Variants in RPA3 observed in about 807,000 individuals in gnomAD.
The protein encoded by RPA3 is replication protein A3, also known as replication protein A 14 kDa subunit.
A neutral mutation model predicts 13.7 loss-of-function variants in RPA3; 24 were observed. The ratio of observed to expected loss-of-function variants is 1.75; its 90% confidence interval spans 1.27 to 2.46. RPA3 has a LOEUF of 2.46. RPA3 is among the 30% of genes most tolerant of loss of function. The pLI is 0.00. For missense variants in RPA3, 183 were observed against 151.0 expected (o/e 1.21, Z -1.11); for synonymous variants, 59 against 51.2 (o/e 1.15, Z -0.65).
intron 2 of RPA3, among the ~76,000 whole-genome samples, chr7:7,707,568 T>C (rs921106098): frequency 2.0e-5 from 3 of 152,204 alleles, no homozygotes; most frequent in Non-Finnish European, 4.4e-5. Flanking sequence ...GTGATTTCAC[T>C]ACTTATTAAG....
intron 6 of RPA3, 96 bp from the exon 7 acceptor site, chr7:7,638,068 C>A: frequency 1.3e-6 from 1 of 753,474 alleles, no homozygotes; most frequent in Admixed American, 2.6e-5. Flanking sequence ...TCTATCACTT[C>A]AAGTAACAAA....
intron 4 of RPA3, among the ~76,000 whole-genome samples, chr7:7,668,583 CTT>C (rs796304782): frequency 5.9e-5 from 9 of 152,180 alleles, no homozygotes; most frequent in African/African-American, 2.2e-4. Context: ...TAGAAACTGA[CTT>C]TAAGTGAAAC....
rs371387531 is a variant in RPA3, at chr7:7,642,179, G to T, written c.-757-1004C>A. Among the ~76,000 whole-genome samples, 5 of 152,106 alleles carry T rather than the reference G, an allele frequency of 3.3e-5. No individual in the cohort carries two copies. In the South Asian group the frequency reaches 1.0e-3, roughly 32 times the overall value. ...AGGCAAGATCTCTCTCTGTCACCCA[G>T]ACTGGAGTGCAGTAGCATGCACATA... On this transcript the variant is annotated intron_variant, in intron 4 of 7. Transcript: ENST00000223129.
At chr7:7,643,278 C>T (rs929460134) in intron 4 of RPA3, among the ~76,000 whole-genome samples, 3 of 152,136 alleles carry the variant, frequency 2.0e-5, no homozygotes, top group Non-Finnish European at 2.9e-5. Flanking sequence ...AGGTACACTC[C>T]ACCGGAAAAA....
intron 4 of RPA3, among the ~76,000 whole-genome samples, chr7:7,677,584 T>C (rs1245947934): frequency 2.0e-5 from 3 of 152,110 alleles, no homozygotes; most frequent in Admixed American, 1.3e-4. Context: ...AAGGACAGGA[T>C]TTCATTCTTT....
chr7:7,684,422 T>A (rs1779989103), intron 4 of RPA3, among the ~76,000 whole-genome samples: 1 of 152,100 alleles, frequency 6.6e-6, no homozygotes, highest in South Asian at 2.1e-4. Context: ...TTGGCCAGGC[T>A]GGTCTTGAAC....
At chr7:7,658,639 C>G (rs1017283592) in intron 4 of RPA3, among the ~76,000 whole-genome samples, 3 of 152,112 alleles carry the variant, frequency 2.0e-5, no homozygotes, top group East Asian at 1.9e-4. Flanking sequence ...GTTGAACCAG[C>G]CTTGCATCCC....
chr7:7,680,302 T>C (rs1223502973), intron 4 of RPA3, among the ~76,000 whole-genome samples: 3 of 152,158 alleles, frequency 2.0e-5, no homozygotes, highest in African/African-American at 7.2e-5. Context: ...AGACTTCCTT[T>C]TCCCAATGTA....
chr7:7,715,960 A>G (rs2110554), intron 1 of RPA3, among the ~76,000 whole-genome samples: 7,821 of 152,324 alleles, frequency 0.051, 253 homozygotes, highest in Middle Eastern at 0.12. Context: ...AGTATAAAAC[A>G]TAGTTTGTTG....
At chr7:7,662,057 C>G (rs186888965) in intron 4 of RPA3, among the ~76,000 whole-genome samples, 71 of 152,294 alleles carry the variant, frequency 4.7e-4, no homozygotes, top group African/African-American at 1.5e-3. Flanking sequence ...CTTTGCTGAG[C>G]TGTGGAGGGC....
At chr7:7,709,759 A>G (rs549371612) in intron 2 of RPA3, among the ~76,000 whole-genome samples, 1 of 151,842 alleles carries the variant, frequency 6.6e-6, no homozygotes, top group African/African-American at 2.4e-5. Context: ...GCAAATCTCA[A>G]TTTGAAAAAT....
intron 2 of RPA3, among the ~76,000 whole-genome samples, chr7:7,688,834 G>T (rs527416397): frequency 6.6e-6 from 1 of 152,238 alleles, no homozygotes; most frequent in Admixed American, 6.5e-5. Flanking sequence ...ATTGTTAATA[G>T]CTTTTGTAAT....
intron 1 of RPA3, 100 bp downstream of exon 1, chr7:7,718,415 T>C (rs1331199312): frequency 4.6e-5 from 7 of 152,194 alleles, no homozygotes; most frequent in Non-Finnish European, 1.0e-4. Context: ...GGAGTAAAAA[T>C]GCATAATCTA....
At chr7:7,702,189 G>T (rs1164881127) in intron 2 of RPA3, among the ~76,000 whole-genome samples, 2 of 151,974 alleles carry the variant, frequency 1.3e-5, no homozygotes, top group Non-Finnish European at 2.9e-5. Context: ...TTAAAAGTTT[G>T]GTATGTGATA....
chr7:7,642,575 G>T (rs1400345736), intron 4 of RPA3, among the ~76,000 whole-genome samples: 2 of 152,022 alleles, frequency 1.3e-5, no homozygotes, highest in African/African-American at 2.4e-5. Flanking sequence ...TTTTAAAACA[G>T]GGAGATGAGC....
intron 2 of RPA3, among the ~76,000 whole-genome samples, chr7:7,696,605 C>T (rs113119867): frequency 0.024 from 3,618 of 152,094 alleles, 149 homozygotes; most frequent in African/African-American, 0.083. Flanking sequence ...TTTATTGATC[C>T]GAAGGCTCTT....
intron 4 of RPA3, among the ~76,000 whole-genome samples, chr7:7,663,803 G>A (rs1038751748): frequency 2.0e-5 from 3 of 152,128 alleles, no homozygotes; most frequent in Non-Finnish European, 4.4e-5. Flanking sequence ...GCATTTTTAT[G>A]GATAGGAATT....
intron 4 of RPA3, among the ~76,000 whole-genome samples, chr7:7,676,983 G>A (rs967813045): frequency 6.6e-6 from 1 of 152,088 alleles, no homozygotes; most frequent in Admixed American, 6.5e-5. Context: ...TAGTCTCAGA[G>A]CATACTGTAT....
intron 4 of RPA3, among the ~76,000 whole-genome samples, chr7:7,658,231 A>C (rs948059218): frequency 5.3e-5 from 8 of 151,812 alleles, no homozygotes; most frequent in African/African-American, 1.9e-4. Context: ...GGGGTTTTCT[A>C]AATATACAAT....
Sources: allele counts gnomAD v4.1 joint callset (sites outside exome capture counted in the v4.1 genomes callset), GRCh38; gene constraint gnomAD v4.1.1; transcripts MANE v1.5; gene names NCBI Gene and HGNC (gene_info 2026-07-23, HGNC 2026-07-21).